The following ANKS1B variants were observed in gnomAD, a reference collection of about 807,000 sequenced individuals.
The protein encoded by ANKS1B is ankyrin repeat and sterile alpha motif domain-containing protein 1B.
Under a neutral mutation model 148.3 loss-of-function variants are expected in ANKS1B, and 36 were observed. The observed-to-expected ratio is 0.24, with a 90% CI of 0.19 to 0.32. ANKS1B has a LOEUF of 0.32. Ranked by LOEUF, ANKS1B falls within the 10% of genes least tolerant of loss-of-function variation. ANKS1B has a pLI of 1.00. For synonymous variants in ANKS1B, 542 were observed against 560.8 expected (o/e 0.97, Z 0.47); for missense variants, 1,157 against 1,542.6 (o/e 0.75, Z 4.19).
In ANKS1B at chr12:98,878,520, C is replaced by T. The variant is rs74989461; in HGVS notation, c.2779-46384G>A. On this transcript the variant is annotated intron_variant, in intron 17 of 26. Transcript: ENST00000683438. ...TACCAGTGAGGAAGCTTCTTGAGGT[C>T]GGGGACTCTGTCTTGTTTGCTATTT... Among the ~76,000 whole-genome samples, 1,338 of 152,272 alleles carry T rather than the reference C, an allele frequency of 8.8e-3. 20 individuals carry two copies. Among genetic ancestry groups the T allele is most frequent in the African/African-American group, 0.031 (1,278 of 41,530 alleles).
chr12:99,623,477 G>A (rs868182601), intron 9 of ANKS1B, among the ~76,000 whole-genome samples: 78 of 151,874 alleles, frequency 5.1e-4, no homozygotes, highest in African/African-American at 1.8e-3. Context: ...TCTTACTGAC[G>A]ATATGATCCT....
chr12:99,400,552 G>A (rs1377933250), intron 11 of ANKS1B, among the ~76,000 whole-genome samples: 1 of 144,942 alleles, frequency 6.9e-6, no homozygotes, highest in Non-Finnish European at 1.5e-5. Context: ...TTTCCCCATA[G>A]TTTTAATTAT....
chr12:99,593,952 G>T lies in ANKS1B; in HGVS notation c.1272+61115C>A, dbSNP rs1162010161. Among the ~76,000 whole-genome samples, 9 of 151,994 alleles carry T rather than the reference G, an allele frequency of 5.9e-5. No individual in the cohort carries two copies. The East Asian group carries it at 1.7e-3, about 29-fold the overall frequency. On this transcript the variant is annotated intron_variant, in intron 9 of 26. Transcript: ENST00000683438. ...TGCTGACAAGCAGCTGGTGCAGTGG[G>T]TGTTTTTTTTTAATCTCCGTCTTGA...
chr12:99,136,549 G>A (rs1600767871), intron 15 of ANKS1B, among the ~76,000 whole-genome samples: 1 of 152,248 alleles, frequency 6.6e-6, no homozygotes, highest in Non-Finnish European at 1.5e-5. Context: ...AGTGTGGGTA[G>A]AGGAATTAGG....
intron 8 of ANKS1B, among the ~76,000 whole-genome samples, chr12:99,703,598 G>C (rs996842342): frequency 6.6e-6 from 1 of 151,920 alleles, no homozygotes; most frequent in Non-Finnish European, 1.5e-5. Context: ...TTTAAACTCA[G>C]CTCAGACACT....
At chr12:99,501,341 G>C (rs2096653690) in intron 10 of ANKS1B, among the ~76,000 whole-genome samples, 1 of 152,084 alleles carries the variant, frequency 6.6e-6, no homozygotes, top group East Asian at 1.9e-4. Flanking sequence ...ATTATTCATA[G>C]AAATTATTTG....
intron 20 of ANKS1B, among the ~76,000 whole-genome samples, chr12:98,807,484 G>A (rs1461095617): frequency 2.0e-5 from 3 of 151,998 alleles, no homozygotes; most frequent in African/African-American, 4.8e-5. Flanking sequence ...GTACAAAATG[G>A]GGAGGAATAA....
intron 1 of ANKS1B, among the ~76,000 whole-genome samples, chr12:99,830,820 T>C (rs2083874275): frequency 6.6e-6 from 1 of 152,148 alleles, no homozygotes; most frequent in African/African-American, 2.4e-5. Flanking sequence ...ACACACCCTG[T>C]TCAAACCACA....
chr12:99,718,679 T>C (rs1052955196), intron 8 of ANKS1B, among the ~76,000 whole-genome samples: 1 of 152,224 alleles, frequency 6.6e-6, no homozygotes, highest in African/African-American at 2.4e-5. Flanking sequence ...CACCCCATGG[T>C]GCCAAACCCA....
chr12:98,882,569 T>C (rs1014911623), intron 17 of ANKS1B, among the ~76,000 whole-genome samples: 15 of 152,298 alleles, frequency 9.8e-5, no homozygotes, highest in African/African-American at 3.6e-4. Context: ...TGTGATTTAC[T>C]GTGTACTTTC....
chr12:99,207,231 T>C (rs1231927268), intron 14 of ANKS1B, among the ~76,000 whole-genome samples: 3 of 152,198 alleles, frequency 2.0e-5, no homozygotes, highest in African/African-American at 7.2e-5. Flanking sequence ...AATGGCTATG[T>C]AGTTTAAGAA....
At chr12:99,865,904 T>C (rs975386596) in intron 1 of ANKS1B, among the ~76,000 whole-genome samples, 7 of 152,174 alleles carry the variant, frequency 4.6e-5, no homozygotes, top group Admixed American at 2.6e-4. Flanking sequence ...CTCCTCTCTA[T>C]TGTATCCAGT....
chr12:99,006,808 C>A (rs1598366283), intron 17 of ANKS1B, among the ~76,000 whole-genome samples: 1 of 152,156 alleles, frequency 6.6e-6, no homozygotes, highest in Admixed American at 6.5e-5. Flanking sequence ...CTTTAAATAA[C>A]TTATTTCATA....
At chr12:98,944,173 GCCTGTA>G (rs1455906487) in intron 17 of ANKS1B, among the ~76,000 whole-genome samples, 5 of 152,008 alleles carry the variant, frequency 3.3e-5, no homozygotes, top group African/African-American at 4.8e-5. Flanking sequence ...GGGGGCACGT[GCCTGTA>G]ATCCCAGCTA....
chr12:99,979,271 C>T (rs536040475), intron 1 of ANKS1B, among the ~76,000 whole-genome samples: 8 of 151,996 alleles, frequency 5.3e-5, no homozygotes, highest in South Asian at 2.1e-4. Flanking sequence ...ATATACTTGT[C>T]CAGGAAAAAT....
chr12:99,048,530 A>T (rs1426384750), intron 17 of ANKS1B, among the ~76,000 whole-genome samples: 4 of 152,230 alleles, frequency 2.6e-5, no homozygotes, highest in African/African-American at 9.6e-5. Context: ...ACTTCCAATG[A>T]CATTTTAGTG....
chr12:99,186,174 C>G (rs113375550), intron 14 of ANKS1B, among the ~76,000 whole-genome samples: 1 of 152,096 alleles, frequency 6.6e-6, no homozygotes, highest in Non-Finnish European at 1.5e-5. Flanking sequence ...CTGCTGTAGC[C>G]ACACTGTCTC....
chr12:99,967,556 T>C (rs1269424497), intron 1 of ANKS1B, among the ~76,000 whole-genome samples: 4 of 151,870 alleles, frequency 2.6e-5, no homozygotes, highest in South Asian at 2.1e-4. Context: ...GTCACAGGGA[T>C]TACAGGTACA....
chr12:99,196,368 A>G (rs887597279), intron 14 of ANKS1B, among the ~76,000 whole-genome samples: 1 of 152,072 alleles, frequency 6.6e-6, no homozygotes, highest in Non-Finnish European at 1.5e-5. Flanking sequence ...ACTTTTTTCA[A>G]TGTTCCATGC....
Sources: allele counts gnomAD v4.1 joint callset (sites outside exome capture counted in the v4.1 genomes callset), GRCh38; gene constraint gnomAD v4.1.1; transcripts MANE v1.5; gene names NCBI Gene and HGNC (gene_info 2026-07-23, HGNC 2026-07-21).